Variants in DNAH8 observed in about 807,000 individuals in gnomAD.
DNAH8 encodes dynein axonemal heavy chain 8.
A neutral mutation model predicts 562.1 loss-of-function variants in DNAH8; 382 were observed. The ratio of observed to expected loss-of-function variants is 0.68; its 90% CI spans 0.63 to 0.74. DNAH8 has a LOEUF of 0.74. Among genes scored for constraint, DNAH8 ranks in the 30% least tolerant of loss-of-function variants. The probability of loss-of-function intolerance (pLI) is 0.00; values close to 1 mark genes in which losing one functional copy is unlikely to be tolerated. For missense variants in DNAH8, 5,203 were observed against 5,620.4 expected, an observed-to-expected ratio of 0.93 and a Z score of 2.37; for synonymous variants, 1,881 against 1,919.4, an observed-to-expected ratio of 0.98 and a Z score of 0.52.
At chr6:38,782,580 C>A (rs1282496859) in intron 16 of DNAH8, among the ~76,000 whole-genome samples, 3 of 152,174 alleles carry the variant, frequency 2.0e-5, no homozygotes, top group African/African-American at 7.2e-5. Flanking sequence ...CGGCACCCGG[C>A]CAAGAAATTT....
chr6:38,729,860 T>G, intron 3 of DNAH8, 42 bp from the exon 4 acceptor site: 4 of 1,052,908 alleles, frequency 3.8e-6, no homozygotes, highest in Non-Finnish European at 5.7e-6. Flanking sequence ...CTAAGAATTT[T>G]TCCTTAGTCG....
chr6:38,883,100 C>T (rs1160576307), intron 54 of DNAH8, 48 bp downstream of exon 54: 1 of 1,484,672 alleles, frequency 6.7e-7, no homozygotes. Flanking sequence ...CATCCATGGC[C>T]ACGGGAATAT....
At chr6:38,733,910 C>T (rs1183445261) in intron 4 of DNAH8, among the ~76,000 whole-genome samples, 1 of 148,094 alleles carries the variant, frequency 6.8e-6, no homozygotes, top group Non-Finnish European at 1.5e-5. Flanking sequence ...AAAAAAAAGA[C>T]TCCATCTAAA....
At chr6:38,940,929 A>G (rs1783401582) in intron 79 of DNAH8, among the ~76,000 whole-genome samples, 1 of 53,630 alleles carries the variant, frequency 1.9e-5, no homozygotes, top group Non-Finnish European at 3.3e-5. Flanking sequence ...CATCCTGGTC[A>G]CCGGTTTAGG....
In DNAH8 at chr6:38,749,292, T is replaced by C. The variant is rs113988931; in HGVS notation, c.1294-1184T>C. Among the ~76,000 whole-genome samples the C allele has an allele frequency of 8.8e-3, 1,333 of 152,094 alleles. 17 individuals carry two copies. The highest frequency in any genetic ancestry group is 0.03 in the African/African-American group (1,253 of 41,470). On this transcript the variant is annotated intron_variant, in intron 8 of 92. Transcript: ENST00000327475. ...TAGGAACAGAAAACCGAACACCACA[T>C]GTACTCACTCATAAGTGGGAGTTGA...
At position 38,949,494 on chromosome 6, in the gene DNAH8, G is replaced by T; in HGVS notation, c.12172G>T (p.Asp4058Tyr). ...EKGWKSWFDKDAPEEEIIPDG... is the reference protein window; with the variant it reads ...EKGWKSWFDKYAPEEEIIPDG... ...GGGGTGGAAAAGCTGGTTTGATAAA[G>T]ATGCTCCAGAGGAGGAAATTATCCC... The change falls in exon 81 of 93, where the codon GAT becomes TAT. Residue 4058 changes from aspartate (D) to tyrosine (Y), a missense_variant. This residue lies in a region of DNAH8 where 1,399 missense variants were observed against 1,518.4 expected (regional missense o/e 0.92). Coordinates refer to ENST00000327475, the MANE Select transcript of DNAH8 (RefSeq NM_001206927.2). The T allele has an allele frequency of 6.2e-7, 1 of 1,613,560 alleles. No individual in the cohort carries two copies. The highest frequency in any genetic ancestry group is 8.5e-7 in the Non-Finnish European group (1 of 1,179,592).
chr6:38,962,826 C>G (rs1269515679), intron 82 of DNAH8, among the ~76,000 whole-genome samples: 2 of 152,080 alleles, frequency 1.3e-5, no homozygotes, highest in Non-Finnish European at 2.9e-5. Flanking sequence ...ATGGCATTTG[C>G]AGCAACCTGG....
rs1374525433 is a variant in DNAH8 at position 38,781,303 on chromosome 6, CT to C, written c.2190del (p.Ile731Ter). On this transcript the variant is annotated frameshift_variant, in exon 16 of 93. Coordinates refer to ENST00000327475, the MANE Select transcript of DNAH8 (RefSeq NM_001206927.2). LOFTEE classifies it high-confidence loss of function. Reference sequence around the variant, plus strand: ...CCCCCTCTTGCTCGCAACATGCCCCCTATAGCAGGAAAAATACTCTGGGTGA... The same window carrying C: ...CCCCCTCTTGCTCGCAACATGCCCCCATAGCAGGAAAAATACTCTGGGTGA... ...DDPPLARNMP[P>X]IAGKILWVRQ... is the part of the protein sequence containing the mutation. 3.1e-6 allele frequency: 5 copies of C among 1,613,924 alleles called. No individual in the cohort carries two copies. The highest frequency in any genetic ancestry group is 3.3e-5 in the Admixed American group (2 of 60,000).
Position 38,868,047 on chromosome 6 carries a change from C to T in DNAH8, c.6694-15C>T, listed in dbSNP as rs1471248556. On this transcript the variant is annotated splice_polypyrimidine_tract_variant and intron_variant, in intron 47 of 92. Coordinates refer to ENST00000327475, the MANE Select transcript of DNAH8 (RefSeq NM_001206927.2). ...TTCAATTAAACCATCTTTTTGCCCT[C>T]TTCTCCCATCTCAGGTTCATTATGA... 3.1e-6 allele frequency: 5 copies of T among 1,603,972 alleles called. No homozygotes were observed. The highest frequency in any genetic ancestry group is 4.2e-6 in the Non-Finnish European group (5 of 1,176,832).
chr6:38,842,445 T>G lies in DNAH8; in HGVS notation c.4544T>G (p.Ile1515Arg). 6.2e-7 allele frequency: 1 copy of G among 1,613,248 alleles called. No individual in the cohort carries two copies. The highest frequency in any genetic ancestry group is 8.5e-7 in the Non-Finnish European group (1 of 1,179,460). The change falls in exon 34 of 93, where the codon ATA (isoleucine) becomes AGA (arginine). Residue 1515 changes from isoleucine to arginine, a missense_variant. This residue lies in a region of DNAH8 where 2,176 missense variants were observed against 2,365.1 expected (regional missense o/e 0.92). Coordinates refer to ENST00000327475, the MANE Select transcript of DNAH8 (RefSeq NM_001206927.2). ...AGCAGTATTAGTGGTTATTATGAAA[T>G]ACTTTGGGGAGATGTAGATATTGAA... ...VMSSISGYYE[I>R]LWGDVDIEKI...
At chr6:38,747,901 A>G (rs1765097199) in intron 8 of DNAH8, among the ~76,000 whole-genome samples, 1 of 152,238 alleles carries the variant, frequency 6.6e-6, no homozygotes, top group African/African-American at 2.4e-5. Context: ...ATATTCTGCA[A>G]TCAACTTTTA....
In DNAH8 at chr6:38,847,976, A is replaced by G. The variant is rs186979601; in HGVS notation, c.5046-672A>G. Among the ~76,000 whole-genome samples the G allele has an allele frequency of 5.7e-4, 87 of 152,206 alleles. 1 individual carries two copies. The highest frequency in any genetic ancestry group is 1.9e-3 in the African/African-American group (81 of 41,542). ...AGCAACCCTGGGTCTCTAGCTCTGC[A>G]GAATCTAGTTGTAGTACCTGGTGTA... On this transcript the variant is annotated intron_variant, in intron 36 of 92. Coordinates refer to ENST00000327475, the MANE Select transcript of DNAH8 (RefSeq NM_001206927.2).
chr6:38,805,737 T>G (rs1377970467), intron 23 of DNAH8, 141 bp downstream of exon 23: 3 of 542,734 alleles, frequency 5.5e-6, no homozygotes, highest in Non-Finnish European at 9.7e-6. Context: ...ATTTTCAATT[T>G]TATACTGTAG....
intron 72 of DNAH8, chr6:38,923,668 G>C (rs942525048): frequency 8.0e-6 from 2 of 250,894 alleles, no homozygotes; most frequent in Non-Finnish European, 1.5e-5. Context: ...AAGAAAAAAT[G>C]GTTTAACACA....
Position 38,909,697 on chromosome 6 carries a change from C to T in DNAH8, c.9693C>T (p.Gly3231=), listed in dbSNP as rs760954047. 3.7e-6 allele frequency: 6 copies of T among 1,613,938 alleles called. No individual in the cohort carries two copies. Among genetic ancestry groups the T allele is most frequent in the African/African-American group, 1.3e-5 (1 of 74,924 alleles). Residue 3231 remains glycine, a synonymous_variant, in exon 65 of 93, where the codon GGC becomes GGT. Coordinates refer to ENST00000327475, the MANE Select transcript of DNAH8 (RefSeq NM_001206927.2). ...AAAGACAAGTTGTAGAAACAATGGG[C>T]CTGTTTCATGACATGGTTTCAGAGA... The part of the protein sequence containing the change: ...EIKRQVVETM[G]LFHDMVSESC...
At chr6:38,847,522 A>G (rs1442133069) in intron 36 of DNAH8, among the ~76,000 whole-genome samples, 3 of 152,186 alleles carry the variant, frequency 2.0e-5, no homozygotes, top group Admixed American at 6.6e-5. Context: ...CAACTGGATT[A>G]CCTACCTCCT....
intron 76 of DNAH8, 48 bp from the exon 77 acceptor site, chr6:38,935,544 T>A: frequency 4.4e-6 from 6 of 1,359,460 alleles, no homozygotes; most frequent in Non-Finnish European, 6.2e-6. Context: ...TTTACTGTAA[T>A]AACTGGTAAT....
rs146394288 is a variant in DNAH8, at chr6:38,976,697, T to C, written c.12834+2168T>C. On this transcript the variant is annotated intron_variant, in intron 85 of 92. Transcript: ENST00000327475. ...GACTCAACTGCTATAGGAAGGAATG[T>C]TGTGGATTAGATTGTTTGTGACTTA... is the stretch of plus-strand genomic sequence containing the variant. Among the ~76,000 whole-genome samples the C allele has an allele frequency of 6.5e-3, 985 of 152,326 alleles. 10 individuals carry two copies. The highest frequency in any genetic ancestry group is 7.6e-3 in the Admixed American group (116 of 15,298).
chr6:38,741,671 A>G, intron 7 of DNAH8, 40 bp from the exon 8 acceptor site: 1 of 1,505,584 alleles, frequency 6.6e-7, no homozygotes. Context: ...ACAAAGAAGA[A>G]TGTAACATTT....
Sources: allele counts gnomAD v4.1 joint callset (sites outside exome capture counted in the v4.1 genomes callset), GRCh38; gene constraint gnomAD v4.1.1; regional missense constraint gnomAD v4.1.1; transcripts MANE v1.5; gene names NCBI Gene and HGNC (gene_info 2026-07-23, HGNC 2026-07-21).